Variants in NBAS observed in about 807,000 individuals in gnomAD.
NBAS encodes NBAS subunit of NRZ tethering complex, also known as NAG/BC035112 fusion.
A neutral mutation model predicts 302.5 loss-of-function variants in NBAS; 219 were observed. The ratio of observed to expected loss-of-function variants is 0.72; its 90% CI spans 0.65 to 0.81. The LOEUF (loss-of-function observed/expected upper bound fraction) is 0.81. Among genes scored for constraint, NBAS ranks in the 30% least tolerant of loss-of-function variants. The pLI is 0.00. For missense variants in NBAS, 2,932 were observed against 2,841.6 expected (o/e 1.03, Z -0.72); for synonymous variants, 1,118 against 1,021.6 (o/e 1.09, Z -1.80).
the NBAS span, among the ~76,000 whole-genome samples, chr2:14,896,116 G>C: frequency 6.6e-6 from 1 of 151,868 alleles, no homozygotes; most frequent in Non-Finnish European, 1.5e-5. Context: ...CGGGAGAAGA[G>C]AGCCCATAAC....
chr2:14,954,276 AT>A, the NBAS span, among the ~76,000 whole-genome samples: 2 of 152,148 alleles, frequency 1.3e-5, no homozygotes, highest in African/African-American at 4.8e-5. Flanking sequence ...TGGAAAGTGT[AT>A]GGGCGCATGC....
chr2:15,299,676 T>C (rs575373534), intron 40 of NBAS, among the ~76,000 whole-genome samples: 2 of 152,198 alleles, frequency 1.3e-5, no homozygotes, highest in African/African-American at 2.4e-5. Context: ...GATTTTACCT[T>C]CTGAACACTT....
the NBAS span, among the ~76,000 whole-genome samples, chr2:14,965,948 G>A: frequency 6.6e-6 from 1 of 152,088 alleles, no homozygotes; most frequent in Non-Finnish European, 1.5e-5. Flanking sequence ...GTTGAAGTGA[G>A]GTTAAAGTGG....
intron 9 of NBAS, among the ~76,000 whole-genome samples, chr2:15,532,595 A>G (rs1247652062): frequency 6.6e-6 from 1 of 152,066 alleles, no homozygotes; most frequent in African/African-American, 2.4e-5. Flanking sequence ...GTAGAGTAAG[A>G]AAACTAAATA....
At chr2:15,502,673 GAAC>G (rs1184936875) in intron 11 of NBAS, among the ~76,000 whole-genome samples, 1 of 152,244 alleles carries the variant, frequency 6.6e-6, no homozygotes, top group South Asian at 2.1e-4. Flanking sequence ...GGAGCTTGCA[GAAC>G]TAGAAGTTGC....
At chr2:15,168,476 A>G (rs1664139605) in intron 51 of NBAS, among the ~76,000 whole-genome samples, 1 of 152,204 alleles carries the variant, frequency 6.6e-6, no homozygotes. Context: ...TCAAAACCCA[A>G]TGTAAACATC....
the NBAS span, among the ~76,000 whole-genome samples, chr2:14,871,278 C>A: frequency 6.6e-6 from 1 of 151,282 alleles, no homozygotes; most frequent in Non-Finnish European, 1.5e-5. Flanking sequence ...ACATTTGAAA[C>A]AAAACCTATA....
At chr2:15,324,711 G>C (rs1671983569) in intron 38 of NBAS, among the ~76,000 whole-genome samples, 1 of 152,188 alleles carries the variant, frequency 6.6e-6, no homozygotes, top group Non-Finnish European at 1.5e-5. Context: ...GACAGGGCTA[G>C]CACACAGGTG....
At chr2:15,357,963 T>C (rs1324078413) in intron 32 of NBAS, among the ~76,000 whole-genome samples, 1 of 152,178 alleles carries the variant, frequency 6.6e-6, no homozygotes, top group African/African-American at 2.4e-5. Flanking sequence ...TGTTTGACCA[T>C]GCCTTTTACT....
intron 28 of NBAS, among the ~76,000 whole-genome samples, chr2:15,391,934 G>A (rs1380007187): frequency 6.8e-6 from 1 of 147,298 alleles, no homozygotes; most frequent in Non-Finnish European, 1.5e-5. Flanking sequence ...TATACCAAGT[G>A]AATATATCCT....
In NBAS at chr2:15,186,891, T is replaced by C. The variant is rs772299309; in HGVS notation, c.6573-11A>G. The C allele has an allele frequency of 1.3e-4, 213 of 1,613,798 alleles. 2 individuals carry two copies. In the South Asian group the frequency reaches 1.4e-3, roughly 10 times the overall value. ...GGATTATTGGTTATGCTGGTGTTTA[T>C]GGAGAAAAATACAAGGCACTGGAAA... On this transcript the variant is annotated splice_polypyrimidine_tract_variant and intron_variant, in intron 49 of 51. Transcript: ENST00000281513.
chr2:14,857,345 C>T, the NBAS span, among the ~76,000 whole-genome samples: 2 of 151,986 alleles, frequency 1.3e-5, no homozygotes, highest in Admixed American at 1.3e-4. Flanking sequence ...TATGAAACCA[C>T]AAAGACCCAG....
chr2:15,243,590 AG>A (rs1215028188), intron 44 of NBAS, among the ~76,000 whole-genome samples: 1 of 152,092 alleles, frequency 6.6e-6, no homozygotes, highest in Non-Finnish European at 1.5e-5. Flanking sequence ...AAAAAAAAAA[AG>A]ATTAGAAAAA....
At chr2:15,223,282 C>A (rs1215888152) in intron 47 of NBAS, among the ~76,000 whole-genome samples, 1 of 151,852 alleles carries the variant, frequency 6.6e-6, no homozygotes, top group Non-Finnish European at 1.5e-5. Flanking sequence ...GAGGAAGAAC[C>A]GTGATAAAAT....
chr2:15,500,893 C>A (rs2148630485), intron 11 of NBAS, among the ~76,000 whole-genome samples: 1 of 150,210 alleles, frequency 6.7e-6, no homozygotes, highest in African/African-American at 2.5e-5. Flanking sequence ...CACTGCACTC[C>A]AGCCTGGGTG....
the NBAS span, among the ~76,000 whole-genome samples, chr2:14,972,295 T>A: frequency 0.038 from 5,771 of 151,760 alleles, 282 homozygotes; most frequent in East Asian, 0.096. Context: ...CCAGGGCCTG[T>A]TGGGGGTTGG....
chr2:15,498,750 GCTCT>G (rs71400654), intron 11 of NBAS, among the ~76,000 whole-genome samples: 28 of 148,068 alleles, frequency 1.9e-4, no homozygotes, highest in Non-Finnish European at 2.5e-4. Context: ...ATTCGTGCTC[GCTCT>G]CTCTCTCTCT....
chr2:14,935,171 T>A, the NBAS span, among the ~76,000 whole-genome samples: 1 of 152,338 alleles, frequency 6.6e-6, no homozygotes, highest in East Asian at 1.9e-4. Flanking sequence ...AGGATGGAAG[T>A]TGAACCCTTA....
chr2:14,840,875 C>G, the NBAS span, among the ~76,000 whole-genome samples: 1 of 151,952 alleles, frequency 6.6e-6, no homozygotes, highest in Non-Finnish European at 1.5e-5. Flanking sequence ...TGGACAAACT[C>G]AGAATACTCC....
Sources: gnomAD v4.1 joint callset for allele counts (sites outside exome capture counted in the v4.1 genomes callset) on GRCh38, gnomAD v4.1.1 for gene constraint, MANE v1.5 for transcripts, NCBI Gene and HGNC (gene_info 2026-07-23, HGNC 2026-07-21) for gene names.